Variants in STX2 observed in about 807,000 individuals in gnomAD.
STX2 encodes the protein syntaxin 2, also known as syntaxin-2.
STX2 carries 27 observed loss-of-function variants against 40.6 expected under a neutral mutation model. The ratio of observed to expected loss-of-function variants is 0.66; its 90% CI spans 0.49 to 0.92. The LOEUF is 0.92. STX2 is among the 40% of genes least tolerant of loss of function. The probability of loss-of-function intolerance (pLI) is 0.00; values close to 1 mark genes in which losing one functional copy is unlikely to be tolerated. For missense variants in STX2, 328 were observed against 366.1 expected, an observed-to-expected ratio of 0.90 and a Z score of 0.85; for synonymous variants, 123 against 119.1, an observed-to-expected ratio of 1.03 and a Z score of -0.22.
rs1478439946 is a variant in STX2, at chr12:130,807,043, A to G, written c.402T>C (p.Asn134=). The change falls in exon 6 of 11, where the codon AAT becomes AAC. Residue 134 remains asparagine (N), a synonymous_variant. Coordinates refer to ENST00000392373, the MANE Select transcript of STX2 (RefSeq NM_194356.4). ...GCTCCCGAAACAGAGTCTGTGCCTC[A>G]TTGTACTCCGCCATGGCTTCCACAA... The part of the protein sequence containing the change: ...RKFVEAMAEY[N]EAQTLFRERS... 1.2e-6 allele frequency: 2 copies of G among 1,614,078 alleles called. No homozygotes were observed. Among genetic ancestry groups the G allele is most frequent in the Non-Finnish European group, 1.7e-6 (2 of 1,180,048 alleles).
intron 1 of STX2, among the ~76,000 whole-genome samples, chr12:130,837,253 C>G (rs1952781623): frequency 6.6e-6 from 1 of 152,060 alleles, no homozygotes; most frequent in Non-Finnish European, 1.5e-5. Context: ...CCAAGGACTA[C>G]AGGTGCGAGT....
intron 8 of STX2, among the ~76,000 whole-genome samples, chr12:130,800,354 G>A (rs1249542571): frequency 1.3e-5 from 2 of 150,328 alleles, no homozygotes; most frequent in East Asian, 3.9e-4. Flanking sequence ...AGGCTGGAGT[G>A]TAGTGGCATG....
intron 4 of STX2, chr12:130,812,046 T>C (rs1445200665): frequency 4.2e-6 from 1 of 237,236 alleles, no homozygotes; most frequent in African/African-American, 2.4e-5. Flanking sequence ...TGGCAGATTC[T>C]GTAGGACAAA....
chr12:130,804,479 TC>T (rs1418212017), intron 6 of STX2, among the ~76,000 whole-genome samples: 7 of 152,082 alleles, frequency 4.6e-5, no homozygotes, highest in African/African-American at 1.4e-4. Flanking sequence ...TGACCAGTGG[TC>T]CCAAGTGTTG....
rs1950867167 is a variant in STX2 at position 130,791,246 on chromosome 12, G to A, written c.*777C>T. Reference sequence around the variant, plus strand: ...AGATCTAAAAGCTTCAGAACAGCCTGCCCGGTGACTCACGCCTGTAATCCC... The same window carrying A: ...AGATCTAAAAGCTTCAGAACAGCCTACCCGGTGACTCACGCCTGTAATCCC... On this transcript the variant is annotated 3_prime_UTR_variant, in exon 11 of 11. Transcript: ENST00000392373. The A allele has an allele frequency of 6.6e-6, 1 of 152,236 alleles. No individual in the cohort carries two copies. The highest frequency in any genetic ancestry group is 2.4e-5 in the African/African-American group (1 of 41,444). The allele number at this position is 152,236 out of a possible 1,614,324, so 9.4% of individuals were successfully genotyped here.
At chr12:130,835,506 A>G (rs1294756573) in intron 1 of STX2, among the ~76,000 whole-genome samples, 1 of 152,180 alleles carries the variant, frequency 6.6e-6, no homozygotes, top group African/African-American at 2.4e-5. Flanking sequence ...TAAATACATC[A>G]ATGTTCATAA....
chr12:130,831,714 T>C (rs1352307622), intron 1 of STX2, among the ~76,000 whole-genome samples: 1 of 152,194 alleles, frequency 6.6e-6, no homozygotes, highest in Non-Finnish European at 1.5e-5. Flanking sequence ...CTTTCTCATA[T>C]TTTGTATGGT....
At chr12:130,830,210 C>A (rs1463955361) in intron 1 of STX2, among the ~76,000 whole-genome samples, 1 of 152,142 alleles carries the variant, frequency 6.6e-6, no homozygotes, top group Non-Finnish European at 1.5e-5. Flanking sequence ...GCAGATGCTA[C>A]TGTGGAGGCT....
At chr12:130,835,603 T>C (rs913129250) in intron 1 of STX2, among the ~76,000 whole-genome samples, 8 of 152,184 alleles carry the variant, frequency 5.3e-5, no homozygotes, top group African/African-American at 1.9e-4. Flanking sequence ...TACAGTGAAT[T>C]TCATTACACC....
chr12:130,801,940 A>T (rs1023190330), intron 6 of STX2, among the ~76,000 whole-genome samples: 6 of 152,222 alleles, frequency 3.9e-5, no homozygotes, highest in African/African-American at 1.4e-4. Flanking sequence ...TAAATGTGTA[A>T]TGACTTCGAA....
chr12:130,816,296 C>T, intron 3 of STX2, among the ~76,000 whole-genome samples: 1 of 152,186 alleles, frequency 6.6e-6, no homozygotes, highest in East Asian at 1.9e-4. Flanking sequence ...GAGAGTCTCC[C>T]TCTTGAGCTG....
At chr12:130,819,129 G>T (rs2136311793) in intron 3 of STX2, among the ~76,000 whole-genome samples, 1 of 152,324 alleles carries the variant, frequency 6.6e-6, no homozygotes, top group South Asian at 2.1e-4. Flanking sequence ...ACCCGCCCAG[G>T]ACCGGCTGCC....
intron 7 of STX2, 33 bp from the exon 8 acceptor site, chr12:130,801,323 T>A: frequency 6.2e-7 from 1 of 1,602,606 alleles, no homozygotes; most frequent in Non-Finnish European, 8.5e-7. Context: ...ATAATATTAA[T>A]AAACTTATGA....
At chr12:130,798,983 T>A (rs933269107) in intron 8 of STX2, among the ~76,000 whole-genome samples, 3 of 152,232 alleles carry the variant, frequency 2.0e-5, no homozygotes, top group African/African-American at 7.2e-5. Context: ...ACTAGTATTT[T>A]ACCATTATGC....
intron 1 of STX2, among the ~76,000 whole-genome samples, chr12:130,834,154 C>A (rs1164230083): frequency 6.6e-6 from 1 of 151,934 alleles, no homozygotes; most frequent in African/African-American, 2.4e-5. Context: ...GAGGCCGAGG[C>A]GGGTGGATCA....
chr12:130,835,276 G>A (rs1347403708), intron 1 of STX2, among the ~76,000 whole-genome samples: 1 of 152,074 alleles, frequency 6.6e-6, no homozygotes, highest in Non-Finnish European at 1.5e-5. Flanking sequence ...GCGACACAGT[G>A]AGATCCTGTC....
chr12:130,795,291 C>T (rs1310349511), intron 10 of STX2, among the ~76,000 whole-genome samples: 1 of 152,122 alleles, frequency 6.6e-6, no homozygotes, highest in Non-Finnish European at 1.5e-5. Context: ...TAAAATGATG[C>T]GTTAGTGTAT....
intron 1 of STX2, among the ~76,000 whole-genome samples, chr12:130,838,497 C>A (rs967745000): frequency 6.6e-6 from 1 of 152,060 alleles, no homozygotes; most frequent in African/African-American, 2.4e-5. Flanking sequence ...CTGCTGTTCG[C>A]GCTCGCCCCA....
At chr12:130,832,634 C>G (rs7307492) in intron 1 of STX2, among the ~76,000 whole-genome samples, 54 of 152,226 alleles carry the variant, frequency 3.5e-4, no homozygotes, top group South Asian at 1.0e-3. Context: ...ATGATGAAGC[C>G]TAGAGAGCGT....
Sources: gnomAD v4.1 joint callset for allele counts (sites outside exome capture counted in the v4.1 genomes callset) on GRCh38, gnomAD v4.1.1 for gene constraint, MANE v1.5 for transcripts, NCBI Gene and HGNC (gene_info 2026-07-23, HGNC 2026-07-21) for gene names.